The following VEPH1 variants were observed in gnomAD, a reference collection of about 807,000 sequenced individuals.
VEPH1 encodes the protein ventricular zone-expressed PH domain-containing protein homolog 1.
In VEPH1, 80 loss-of-function variants were observed where a neutral mutation model predicts 85.2. The ratio of observed to expected loss-of-function variants is 0.94; its 90% CI spans 0.78 to 1.13. The LOEUF is 1.13. Among genes scored for constraint, VEPH1 ranks in the 50% most tolerant of loss-of-function variants. The pLI, the probability that VEPH1 is intolerant of heterozygous loss-of-function variation, is 0.00. For synonymous variants in VEPH1, 297 were observed against 348.0 expected, an observed-to-expected ratio of 0.85 and a Z score of 1.63; for missense variants, 955 against 980.5, an observed-to-expected ratio of 0.97 and a Z score of 0.35.
intron 2 of VEPH1, among the ~76,000 whole-genome samples, chr3:157,477,251 T>C (rs940961791): frequency 1.3e-5 from 2 of 151,680 alleles, no homozygotes; most frequent in Non-Finnish European, 2.9e-5. Flanking sequence ...TGGCTCATGG[T>C]CCCTTCCTCC....
chr3:157,393,475 G>A (rs1730074407), intron 6 of VEPH1, among the ~76,000 whole-genome samples: 1 of 152,066 alleles, frequency 6.6e-6, no homozygotes, highest in African/African-American at 2.4e-5. Context: ...TTTTTAGTAT[G>A]ATCTGATGAT....
chr3:157,305,788 G>T (rs1249352102), intron 11 of VEPH1, among the ~76,000 whole-genome samples: 1 of 152,138 alleles, frequency 6.6e-6, no homozygotes, highest in Non-Finnish European at 1.5e-5. Flanking sequence ...GTTAAAAAGG[G>T]TAACTTATTT....
intron 4 of VEPH1, among the ~76,000 whole-genome samples, chr3:157,457,010 G>C (rs1735443639): frequency 6.6e-6 from 1 of 152,140 alleles, no homozygotes; most frequent in South Asian, 2.1e-4. Context: ...CATGAGTATA[G>C]AATATTTTTC....
intron 2 of VEPH1, among the ~76,000 whole-genome samples, chr3:157,493,718 T>A (rs1407647482): frequency 3.3e-5 from 5 of 152,156 alleles, no homozygotes; most frequent in Non-Finnish European, 7.3e-5. Flanking sequence ...GGCTAACCAG[T>A]GGAGTTATAT....
chr3:157,407,823 A>G (rs1363833497), intron 6 of VEPH1, among the ~76,000 whole-genome samples: 2 of 152,196 alleles, frequency 1.3e-5, no homozygotes, highest in Non-Finnish European at 2.9e-5. Context: ...CTATTTGCTA[A>G]ATACTGTTCC....
chr3:157,295,603 G>GCAATGGTGAAGTAATA (rs6148156), intron 11 of VEPH1, among the ~76,000 whole-genome samples: 1 of 151,882 alleles, frequency 6.6e-6, no homozygotes, highest in Admixed American at 6.6e-5. Flanking sequence ...GCAGAGAGCT[G>GCAATGGTGAAGTAATA]GTGTTGGAGG....
chr3:157,418,802 T>C (rs1054447961), intron 5 of VEPH1, among the ~76,000 whole-genome samples: 1 of 152,086 alleles, frequency 6.6e-6, no homozygotes, highest in African/African-American at 2.4e-5. Flanking sequence ...TAAACTACCA[T>C]TGACCTTCAC....
intron 9 of VEPH1, among the ~76,000 whole-genome samples, chr3:157,354,088 A>G (rs982480292): frequency 7.2e-5 from 11 of 152,220 alleles, no homozygotes; most frequent in African/African-American, 1.2e-4. Flanking sequence ...ATGATAATGT[A>G]TCACTATGAG....
At chr3:157,392,619 T>TAA (rs35235896) in intron 6 of VEPH1, among the ~76,000 whole-genome samples, 10,106 of 150,942 alleles carry the variant, frequency 0.067, 500 homozygotes, top group South Asian at 0.19. Context: ...GCTGATGATC[T>TAA]AAAAAAAAAA....
At chr3:157,414,316 T>G (rs977163122) in intron 5 of VEPH1, among the ~76,000 whole-genome samples, 1 of 152,164 alleles carries the variant, frequency 6.6e-6, no homozygotes, top group Non-Finnish European at 1.5e-5. Context: ...TAATCTGTGA[T>G]TTGCTGTTGA....
At chr3:157,358,949 T>C (rs1255580518) in intron 9 of VEPH1, among the ~76,000 whole-genome samples, 3 of 152,096 alleles carry the variant, frequency 2.0e-5, no homozygotes, top group Non-Finnish European at 4.4e-5. Context: ...TGAGCCGAGA[T>C]TGTGCCACAG....
chr3:157,444,235 A>G (rs1577675167), intron 4 of VEPH1, among the ~76,000 whole-genome samples: 1 of 152,196 alleles, frequency 6.6e-6, no homozygotes, highest in African/African-American at 2.4e-5. Context: ...TAGGGCATGG[A>G]CAACCACAGG....
At chr3:157,438,032 C>G (rs1429678857) in intron 4 of VEPH1, 8 of 802,536 alleles carry the variant, frequency 1.0e-5, no homozygotes, top group South Asian at 9.9e-5. Flanking sequence ...CGCGCGCGCG[C>G]GCGCGCACAC....
At chr3:157,440,946 TTA>T (rs1348931963) in intron 4 of VEPH1, among the ~76,000 whole-genome samples, 1 of 152,190 alleles carries the variant, frequency 6.6e-6, no homozygotes, top group Non-Finnish European at 1.5e-5. Context: ...TAAATAGTAA[TTA>T]TAAGCATGTG....
At chr3:157,396,235 C>T (rs1301028588) in intron 6 of VEPH1, among the ~76,000 whole-genome samples, 1 of 152,160 alleles carries the variant, frequency 6.6e-6, no homozygotes, top group African/African-American at 2.4e-5. Context: ...ACTTCCAGCT[C>T]CATCCATGTT....
chr3:157,367,485 T>G (rs967638878), intron 7 of VEPH1, among the ~76,000 whole-genome samples: 4 of 152,216 alleles, frequency 2.6e-5, no homozygotes, highest in Non-Finnish European at 5.9e-5. Flanking sequence ...CCACATTAGT[T>G]CATGTATAGT....
At chr3:157,280,141 C>A (rs989931746) in intron 12 of VEPH1, among the ~76,000 whole-genome samples, 2 of 151,800 alleles carry the variant, frequency 1.3e-5, no homozygotes, top group Non-Finnish European at 2.9e-5. Context: ...GATTACTCTG[C>A]AATATGATGG....
At chr3:157,409,594 T>G (rs897043730) in intron 6 of VEPH1, 21 of 983,978 alleles carry the variant, frequency 2.1e-5, no homozygotes, top group Non-Finnish European at 2.4e-5. Flanking sequence ...TTTTGGTTTT[T>G]GTTTTATATA....
At chr3:157,350,889 G>A (rs1307731831) in intron 9 of VEPH1, among the ~76,000 whole-genome samples, 1 of 152,196 alleles carries the variant, frequency 6.6e-6, no homozygotes, top group East Asian at 1.9e-4. Context: ...TGGTGAGGAT[G>A]CAGAGAAAAG....
Sources: allele counts gnomAD v4.1 joint callset (sites outside exome capture counted in the v4.1 genomes callset), GRCh38; gene constraint gnomAD v4.1.1; transcripts MANE v1.5; gene names NCBI Gene and HGNC (gene_info 2026-07-23, HGNC 2026-07-21).